The following ANO1 variants were observed in gnomAD, a reference collection of about 807,000 sequenced individuals.
The protein encoded by ANO1 is anoctamin 1, also known as anoctamin-1.
Under a neutral mutation model 124.0 loss-of-function variants are expected in ANO1, and 59 were observed. The observed-to-expected ratio is 0.48, with a 90% CI of 0.39 to 0.59. The LOEUF is 0.59. ANO1 is among the 20% of genes least tolerant of loss of function. The pLI is 0.00. For synonymous variants in ANO1, 529 were observed against 532.0 expected (o/e 0.99, Z 0.08); for missense variants, 1,059 against 1,328.0 (o/e 0.80, Z 3.15).
intron 2 of ANO1, among the ~76,000 whole-genome samples, chr11:70,091,263 A>G (rs2044615539): frequency 6.6e-6 from 1 of 152,190 alleles, no homozygotes; most frequent in African/African-American, 2.4e-5. Flanking sequence ...GATCACCTCC[A>G]AGAGAGTCCA....
At chr11:70,046,135 G>A (rs1434036497) in intron 1 of ANO1, among the ~76,000 whole-genome samples, 1 of 152,130 alleles carries the variant, frequency 6.6e-6, no homozygotes, top group Non-Finnish European at 1.5e-5. Flanking sequence ...ATGAAACAAA[G>A]GTTGAGCTCA....
At chr11:70,070,996 T>C (rs1287510118) in intron 1 of ANO1, among the ~76,000 whole-genome samples, 4 of 152,116 alleles carry the variant, frequency 2.6e-5, no homozygotes, top group Non-Finnish European at 4.4e-5. Flanking sequence ...CTTGGCAAGG[T>C]AGATGGCCCA....
chr11:70,182,634 G>T lies in ANO1; in HGVS notation c.2536G>T (p.Gly846Cys). 1.9e-6 allele frequency: 3 copies of T among 1,612,808 alleles called. No homozygotes were observed. The African/African-American group carries it at 4.0e-5, about 22-fold the overall frequency. Reference sequence around the variant, plus strand: ...CTTCAACGTCAGTGACTTCCAGAACGGCACGGCCCCCAATGACCCCCTGGA... The same window carrying T: ...CTTCAACGTCAGTGACTTCCAGAACTGCACGGCCCCCAATGACCCCCTGGA... ...SSFNVSDFQNGTAPNDPLDLG... is the reference protein window; with the variant it reads ...SSFNVSDFQNCTAPNDPLDLG... Residue 846 changes from glycine to cysteine, a missense_variant, in exon 24 of 26, where the codon GGC (glycine) becomes TGC (cysteine). Transcript: ENST00000355303.
chr11:70,047,470 A>G (rs1555005806), intron 1 of ANO1, among the ~76,000 whole-genome samples: 1 of 152,204 alleles, frequency 6.6e-6, no homozygotes, highest in African/African-American at 2.4e-5. Flanking sequence ...GCTCTCATAA[A>G]CTATGAAGAA....
At chr11:70,017,250 C>A (rs1555002081) in intron 1 of ANO1, among the ~76,000 whole-genome samples, 1 of 152,180 alleles carries the variant, frequency 6.6e-6, no homozygotes, top group South Asian at 2.1e-4. Flanking sequence ...TTTGTGGTTT[C>A]TTTTTCCCCT....
intron 11 of ANO1, among the ~76,000 whole-genome samples, chr11:70,136,866 G>A (rs2046973945): frequency 6.8e-6 from 1 of 147,750 alleles, no homozygotes; most frequent in Admixed American, 7.1e-5. Flanking sequence ...TTCCAGAGGA[G>A]GCCAAGAATG....
chr11:70,113,306 T>G (rs2045860820), intron 7 of ANO1, among the ~76,000 whole-genome samples: 1 of 152,216 alleles, frequency 6.6e-6, no homozygotes, highest in Admixed American at 6.5e-5. Context: ...CACTCAGCAC[T>G]TAATAAGTGC....
rs1181501493 is a variant in ANO1, at chr11:70,188,188, A to G, written c.*184A>G. On this transcript the variant is annotated 3_prime_UTR_variant, in exon 26 of 26. Transcript: ENST00000355303. Reference sequence around the variant, plus strand: ...TCTGTTTTCTTTCCCTTGTTTTTGCACAAAGCCATTATGCAGGGAATATTT... The same window carrying G: ...TCTGTTTTCTTTCCCTTGTTTTTGCGCAAAGCCATTATGCAGGGAATATTT... The G allele has an allele frequency of 6.1e-5, 45 of 739,122 alleles. No individual in the cohort carries two copies. The highest frequency in any genetic ancestry group is 9.2e-5 in the Non-Finnish European group (43 of 465,448). The allele number at this position is 739,122 out of a possible 1,614,324, so 45.8% of individuals were successfully genotyped here.
intron 1 of ANO1, among the ~76,000 whole-genome samples, chr11:70,047,114 A>G (rs554568880): frequency 4.9e-4 from 75 of 151,734 alleles, no homozygotes; most frequent in African/African-American, 1.6e-3. Flanking sequence ...GAAAGAAAGA[A>G]AAAGGACATT....
intron 24 of ANO1, 135 bp from the exon 25 acceptor site, chr11:70,185,455 A>G (rs996363239): frequency 1.4e-6 from 1 of 732,570 alleles, no homozygotes; most frequent in Non-Finnish European, 2.2e-6. Context: ...TGCTCGCCCA[A>G]GAGAGGGCTG....
chr11:70,093,858 T>G (rs1272714569), intron 2 of ANO1, among the ~76,000 whole-genome samples: 4 of 152,236 alleles, frequency 2.6e-5, no homozygotes, highest in Non-Finnish European at 5.9e-5. Flanking sequence ...AGACGCAACC[T>G]CGGGGCTCCG....
chr11:70,174,713 G>A (rs1034949603), intron 22 of ANO1, among the ~76,000 whole-genome samples: 9 of 152,126 alleles, frequency 5.9e-5, no homozygotes, highest in Non-Finnish European at 1.5e-5. Flanking sequence ...GCAGGAACCA[G>A]AGAGCTCAAG....
In ANO1 at chr11:70,095,418, G is replaced by GAAAGA. The variant is rs1555017715; in HGVS notation, c.441+7337_441+7341dup. The stretch of plus-strand genomic sequence containing the variant: ...AGAAAGAAAGAAAGAAAGAAAGAAA[G>GAAAGA]AAAGAAAGAAAAGAAAAGAAAGAAA... On this transcript the variant is annotated intron_variant, in intron 2 of 25. Coordinates refer to ENST00000355303, the MANE Select transcript of ANO1 (RefSeq NM_018043.7). Among the ~76,000 whole-genome samples the GAAAGA allele has an allele frequency of 6.3e-5, 4 of 63,296 alleles. 1 individual carries two copies. The highest frequency in any genetic ancestry group is 1.1e-4 in the Non-Finnish European group (3 of 27,854). The allele number at this position is 63,296 out of a possible 152,430, so 41.5% of individuals were successfully genotyped here.
In ANO1 at chr11:70,078,723, G is replaced by C. The variant is rs750496552; in HGVS notation, c.108+9G>C. 2 of 1,460,852 alleles carry C rather than the reference G, an allele frequency of 1.4e-6. No individual in the cohort carries two copies. Among genetic ancestry groups the C allele is most frequent in the African/African-American group, 1.5e-5 (1 of 67,300 alleles). The allele number at this position is 1,460,852 out of a possible 1,614,324, so 90.5% of individuals were successfully genotyped here. ...TGCCGTCCGAGGGCACGGTGAGTGC[G>C]GGCGGCCGCGACCCGGGCGGGAGGG... On this transcript the variant is annotated intron_variant, in intron 1 of 25. Transcript: ENST00000355303.
upstream of ANO1, among the ~76,000 whole-genome samples, chr11:70,073,680 G>A (rs750749177): frequency 7.2e-5 from 11 of 152,062 alleles, no homozygotes; most frequent in Non-Finnish European, 1.2e-4. Flanking sequence ...AGGAGGAGGT[G>A]GCCTAGCCAG....
At chr11:69,991,779 A>C (rs1430874074) in intron 1 of ANO1, among the ~76,000 whole-genome samples, 1 of 152,224 alleles carries the variant, frequency 6.6e-6, no homozygotes, top group African/African-American at 2.4e-5. Context: ...TAGGACCAGA[A>C]GGTGGGGATA....
At chr11:70,092,478 G>A (rs12575095) in intron 2 of ANO1, among the ~76,000 whole-genome samples, 17,226 of 152,200 alleles carry the variant, frequency 0.11, 1,131 homozygotes, top group East Asian at 0.25. Flanking sequence ...GGGAAGGTCT[G>A]GGGGAGTGAC....
chr11:70,075,516 A>G (rs2515281), upstream of ANO1: 104,450 of 151,908 alleles, frequency 0.69, 36,688 homozygotes, highest in African/African-American at 0.83. Context: ...ATCTGTTGGC[A>G]CATGCCATCA....
chr11:70,027,075 C>G (rs1340946003), intron 1 of ANO1, among the ~76,000 whole-genome samples: 1 of 152,218 alleles, frequency 6.6e-6, no homozygotes, highest in Admixed American at 6.5e-5. Context: ...CAGCAACACA[C>G]TCCACTGGAC....
Sources: gnomAD v4.1 joint callset for allele counts (sites outside exome capture counted in the v4.1 genomes callset) on GRCh38, gnomAD v4.1.1 for gene constraint, MANE v1.5 for transcripts, NCBI Gene and HGNC (gene_info 2026-07-23, HGNC 2026-07-21) for gene names.